ABCB5: variants seen among roughly 807,000 people sequenced by gnomAD.
ABCB5 encodes ATP binding cassette subfamily B member 5, also known as ATP-binding cassette sub-family B member 5.
ABCB5 carries 155 observed loss-of-function variants against 144.2 expected under a neutral mutation model. That is an observed-to-expected ratio of 1.08 (90% CI 0.94 to 1.23). ABCB5 has a LOEUF of 1.23. ABCB5 is among the 50% of genes most tolerant of loss of function. The probability of loss-of-function intolerance (pLI) is 0.00; values close to 1 mark genes in which losing one functional copy is unlikely to be tolerated. For synonymous variants in ABCB5, 610 were observed against 528.6 expected, an observed-to-expected ratio of 1.15 and a Z score of -2.11; for missense variants, 1,830 against 1,520.8, an observed-to-expected ratio of 1.20 and a Z score of -3.38.
At chr7:20,716,603 C>T (rs1399727776) in intron 20 of ABCB5, among the ~76,000 whole-genome samples, 1 of 151,928 alleles carries the variant, frequency 6.6e-6, no homozygotes, top group African/African-American at 2.4e-5. Context: ...CATGGACACA[C>T]TTATATGCAT....
intron 23 of ABCB5, among the ~76,000 whole-genome samples, chr7:20,733,418 C>T (rs1253491792): frequency 6.6e-6 from 1 of 151,980 alleles, no homozygotes; most frequent in African/African-American, 2.4e-5. Flanking sequence ...GCTGGCCTAC[C>T]ATACTTCCTG....
chr7:20,647,978 T>C lies in ABCB5; in HGVS notation c.1106T>C (p.Ile369Thr), dbSNP rs756853994. 1.3e-6 allele frequency: 2 copies of C among 1,593,514 alleles called. No homozygotes were observed. Among genetic ancestry groups the C allele is most frequent in the Non-Finnish European group, 1.7e-6 (2 of 1,161,802 alleles). The change falls in exon 11 of 28, where the codon ATA becomes ACA. Residue 369 changes from isoleucine (I) to threonine (T), a missense_variant. Ile to Thr is a moderately conservative substitution (Grantham distance 89). Transcript: ENST00000404938. ...CTTTGTTTTTCCAAGAAACCCAGTA[T>C]AGATAACTTTTCCACAGCTGGATAT... ...IFQVIDKKPS[I>T]DNFSTAGYKP... is the part of the protein sequence containing the mutation.
rs80029421 is a variant in ABCB5 at position 20,651,236 on chromosome 7, G to A, written c.1333-184G>A. ...CCAATTATTCTTTTGCAGTTTTGTT[G>A]GTGCCCATCTACCAGAAAAAGTCTA... On this transcript the variant is annotated intron_variant, in intron 12 of 27. Coordinates refer to ENST00000404938, the MANE Select transcript of ABCB5 (RefSeq NM_001163941.2). Among the ~76,000 whole-genome samples the A allele has an allele frequency of 0.1, 15,444 of 152,050 alleles. 945 individuals carry two copies. The highest frequency in any genetic ancestry group is 0.13 in the Non-Finnish European group (9,131 of 67,950).
intron 23 of ABCB5, among the ~76,000 whole-genome samples, chr7:20,735,442 G>GAACT (rs1782352844): frequency 2.6e-5 from 4 of 152,206 alleles, no homozygotes; most frequent in African/African-American, 9.6e-5. Flanking sequence ...AGCCAGGGAA[G>GAACT]AACTGTGAGT....
intron 5 of ABCB5, chr7:20,642,052 C>A: frequency 6.6e-6 from 1 of 152,368 alleles, no homozygotes; most frequent in Non-Finnish European, 1.5e-5. Flanking sequence ...AGGTTCTTAA[C>A]AGAACTTCCT....
At chr7:20,743,760 T>G (rs1048476761) in intron 25 of ABCB5, among the ~76,000 whole-genome samples, 1 of 152,156 alleles carries the variant, frequency 6.6e-6, no homozygotes, top group African/African-American at 2.4e-5. Context: ...TTAGTCCTCA[T>G]TCTCCTGCAA....
At chr7:20,736,013 C>T (rs73687891) in intron 23 of ABCB5, among the ~76,000 whole-genome samples, 32,067 of 151,926 alleles carry the variant, frequency 0.21, 3,510 homozygotes, top group African/African-American at 0.21. Flanking sequence ...GGATTTAGGG[C>T]GGGAAGAGGT....
intron 23 of ABCB5, among the ~76,000 whole-genome samples, chr7:20,738,608 A>G (rs1438589187): frequency 6.6e-6 from 1 of 152,226 alleles, no homozygotes; most frequent in South Asian, 2.1e-4. Context: ...GTAAATCCAG[A>G]TCTCACTACT....
chr7:20,704,102 G>C (rs1053236557), intron 19 of ABCB5, among the ~76,000 whole-genome samples: 2 of 12,118 alleles, frequency 1.7e-4, no homozygotes, highest in African/African-American at 1.1e-3. Flanking sequence ...GTGAGACAGG[G>C]TCTCACTCTG....
At position 20,741,747 on chromosome 7, in the gene ABCB5, G is replaced by A. The variant is rs148655904; in HGVS notation, c.3025-1130G>A. ...CATGACTAGTAAACCTGACTGTAAGGATGTGTTTTAAAATCCAGCCATCAC... is the reference window on the plus strand; with the variant it reads ...CATGACTAGTAAACCTGACTGTAAGAATGTGTTTTAAAATCCAGCCATCAC... On this transcript the variant is annotated intron_variant, in intron 24 of 27. Transcript: ENST00000404938. 7.9e-5 allele frequency among the ~76,000 whole-genome samples: 12 copies of A among 152,062 alleles called. No individual in the cohort carries two copies. In the South Asian group the frequency reaches 2.5e-3, roughly 32 times the overall value.
intron 8 of ABCB5, 36 bp from the exon 9 acceptor site, chr7:20,645,925 C>T: frequency 6.2e-7 from 1 of 1,612,266 alleles, no homozygotes; most frequent in South Asian, 1.1e-5. Flanking sequence ...TTTTATTTTC[C>T]CCAGTGGCTA....
intron 26 of ABCB5, among the ~76,000 whole-genome samples, chr7:20,752,190 C>G (rs910968216): frequency 6.6e-6 from 1 of 152,218 alleles, no homozygotes; most frequent in Non-Finnish European, 1.5e-5. Flanking sequence ...TGGCTATACC[C>G]TTGGACCAGC....
chr7:20,707,968 T>G (rs1786876366), intron 20 of ABCB5, among the ~76,000 whole-genome samples: 1 of 152,124 alleles, frequency 6.6e-6, no homozygotes, highest in African/African-American at 2.4e-5. Context: ...TATGCCCAGC[T>G]AATTTTTTTT....
At chr7:20,742,850 C>G (rs763482839) in intron 24 of ABCB5, 27 bp from the exon 25 acceptor site, 2 of 1,610,862 alleles carry the variant, frequency 1.2e-6, no homozygotes, top group South Asian at 2.2e-5. Flanking sequence ...AGTCATTCTT[C>G]TCAACTCTGT....
chr7:20,689,387 G>A (rs942031742), intron 16 of ABCB5, among the ~76,000 whole-genome samples: 2 of 152,206 alleles, frequency 1.3e-5, no homozygotes, highest in African/African-American at 4.8e-5. Context: ...ACCTTCCACA[G>A]GACGGTGCTG....
intron 23 of ABCB5, 117 bp from the exon 24 acceptor site, chr7:20,738,866 G>C: frequency 4.3e-6 from 5 of 1,158,162 alleles, no homozygotes. Flanking sequence ...AGCGTTAGGG[G>C]TGCCGTCTAC....
chr7:20,731,369 A>AT (rs1554289436), intron 23 of ABCB5, among the ~76,000 whole-genome samples: 36,053 of 122,690 alleles, frequency 0.29, 5,489 homozygotes, highest in African/African-American at 0.33. Context: ...AAAAAAAAAA[A>AT]ATATATATAT....
intron 20 of ABCB5, among the ~76,000 whole-genome samples, chr7:20,718,737 A>G (rs908547163): frequency 5.3e-5 from 8 of 152,190 alleles, no homozygotes; most frequent in African/African-American, 1.9e-4. Context: ...ATGTAAGAGT[A>G]TATACACCTT....
chr7:20,661,073 C>T (rs1784987607), intron 14 of ABCB5, among the ~76,000 whole-genome samples: 1 of 152,214 alleles, frequency 6.6e-6, no homozygotes, highest in African/African-American at 2.4e-5. Context: ...CCACTTCAAT[C>T]TGTTCTCAAC....
Sources: gnomAD v4.1 joint callset for allele counts (sites outside exome capture counted in the v4.1 genomes callset) on GRCh38, gnomAD v4.1.1 for gene constraint, MANE v1.5 for transcripts, NCBI Gene and HGNC (gene_info 2026-07-23, HGNC 2026-07-21) for gene names.